FAM13B: variants seen among roughly 807,000 people sequenced by gnomAD.
The protein encoded by FAM13B is protein FAM13B.
Under a neutral mutation model 117.3 loss-of-function variants are expected in FAM13B, and 60 were observed. That is an observed-to-expected ratio of 0.51 (90% confidence interval 0.42 to 0.63). The LOEUF is 0.63. FAM13B is among the 30% of genes least tolerant of loss of function. The probability of loss-of-function intolerance (pLI) is 0.00; values close to 1 mark genes in which losing one functional copy is unlikely to be tolerated. For missense variants in FAM13B, 972 were observed against 1,091.9 expected (o/e 0.89, Z 1.55); for synonymous variants, 332 against 356.1 (o/e 0.93, Z 0.76).
rs148336853 is a variant in FAM13B, at chr5:137,996,473, T to C, written c.849-8158A>G. On this transcript the variant is annotated intron_variant, in intron 7 of 23. Coordinates refer to ENST00000689681, the MANE Select transcript of FAM13B (RefSeq NM_001385994.1). ...TCTTAAAACCCTAAACCCATGGCTC[T>C]TCCTAAATCACTTACACCTTCTTTC... Among the ~76,000 whole-genome samples, 642 of 152,198 alleles carry C rather than the reference T, an allele frequency of 4.2e-3. 2 individuals are homozygous for C. The highest frequency in any genetic ancestry group is 6.8e-3 in the Non-Finnish European group (459 of 67,978).
At chr5:137,946,332 T>C (rs755921329) in intron 18 of FAM13B, 21 bp from the exon 19 acceptor site, 5 of 1,285,996 alleles carry the variant, frequency 3.9e-6, no homozygotes, top group East Asian at 2.8e-5. Flanking sequence ...ACAAAAAAAA[T>C]AACAAAATAC....
rs561038591 is a variant in FAM13B, at chr5:137,970,662, T to G, written c.1180-8193A>C. Among the ~76,000 whole-genome samples the G allele has an allele frequency of 1.6e-3, 245 of 152,296 alleles. 1 individual carries two copies. The highest frequency in any genetic ancestry group is 3.1e-3 in the Non-Finnish European group (209 of 68,034). Reference sequence around the variant, plus strand: ...AATGCTCCAATTAAAGGGCACAGACTGGCAAATTGGACAAAGGGTCAAGAC... The same window carrying G: ...AATGCTCCAATTAAAGGGCACAGACGGGCAAATTGGACAAAGGGTCAAGAC... On this transcript the variant is annotated intron_variant, in intron 10 of 23. Coordinates refer to ENST00000689681, the MANE Select transcript of FAM13B (RefSeq NM_001385994.1).
intron 1 of FAM13B, among the ~76,000 whole-genome samples, chr5:138,047,042 C>T (rs923404150): frequency 1.8e-4 from 27 of 152,030 alleles, no homozygotes; most frequent in African/African-American, 6.0e-4. Flanking sequence ...CCGTGCCCAG[C>T]CACTTCTTTT....
chr5:137,976,588 C>T lies in FAM13B; in HGVS notation c.1179+8669G>A, dbSNP rs368546870. Among the ~76,000 whole-genome samples the T allele has an allele frequency of 2.6e-5, 4 of 152,138 alleles. No homozygotes were observed. In the East Asian group the frequency reaches 5.8e-4, roughly 22 times the overall value. ...CCCCGAATGGAGGGACCAGCTGAAG[C>T]CATGGCAGAAGAACGTGGATTGTGA... On this transcript the variant is annotated intron_variant, in intron 10 of 23. Transcript: ENST00000689681.
At position 137,951,233 on chromosome 5, in the gene FAM13B, A is replaced by AAAAT. The variant is rs1457502693; in HGVS notation, c.1930+1394_1930+1395insATTT. ...ACAAAAAAAAAAAAAAAAAAAAAAA[A>AAAAT]GGAGAGAGAGAGAGGCAAACATTAT... On this transcript the variant is annotated intron_variant, in intron 17 of 23. Transcript: ENST00000689681. 1.2e-3 allele frequency among the ~76,000 whole-genome samples: 182 copies of AAAAT among 147,066 alleles called. 1 individual carries two copies. Among genetic ancestry groups the AAAAT allele is most frequent in the Non-Finnish European group, 2.0e-3 (131 of 66,638 alleles).
chr5:137,942,894 T>A lies in FAM13B; in HGVS notation c.2569A>T (p.Ser857Cys). The A allele has an allele frequency of 6.2e-7, 1 of 1,609,796 alleles. No homozygotes were observed. The highest frequency in any genetic ancestry group is 8.5e-7 in the Non-Finnish European group (1 of 1,179,068). The change falls in exon 22 of 24, where the codon AGT (serine) becomes TGT (cysteine). Residue 857 changes from serine (S) to cysteine (C), a missense_variant. By Grantham distance (112) the Ser-to-Cys change is moderately radical. Coordinates refer to ENST00000689681, the MANE Select transcript of FAM13B (RefSeq NM_001385994.1). ...EKLALDLRLS[S>C]SRAASMPELL... is the part of the protein sequence containing the mutation. Reference sequence around the variant, plus strand: ...ACATACATAGAAGCTGCTCGAGAACTTGACAATCGGAGATCCAGAGCCAGT... The same window carrying A: ...ACATACATAGAAGCTGCTCGAGAACATGACAATCGGAGATCCAGAGCCAGT...
At chr5:138,004,392 T>C (rs937858073) in intron 7 of FAM13B, among the ~76,000 whole-genome samples, 5 of 152,124 alleles carry the variant, frequency 3.3e-5, no homozygotes, top group Admixed American at 2.6e-4. Context: ...TTTGAAACCA[T>C]ACTTAGCCTT....
At chr5:137,997,271 C>T (rs573567179) in intron 7 of FAM13B, among the ~76,000 whole-genome samples, 30 of 152,156 alleles carry the variant, frequency 2.0e-4, no homozygotes, top group Admixed American at 1.8e-3. Context: ...AGTTCAAGGG[C>T]AGCCTGCCCA....
At position 137,943,254 on chromosome 5, in the gene FAM13B, AG is replaced by A. The variant is rs1315889475; in HGVS notation, c.2341-39del. 4 of 1,507,778 alleles carry A rather than the reference AG, an allele frequency of 2.7e-6. No homozygotes were observed. In the East Asian group the frequency reaches 6.8e-5, roughly 26 times the overall value. 93.4% of individuals were successfully genotyped at this position (1,507,778 alleles called of 1,614,324 possible). On this transcript the variant is annotated intron_variant, in intron 20 of 23. Coordinates refer to ENST00000689681, the MANE Select transcript of FAM13B (RefSeq NM_001385994.1). ...ATAATATAAATAGTTTTACATTTTA[AG>A]TATTCAAAGTGTCCAGTGAAGCTTC...
At chr5:138,015,729 A>T (rs1785107519) in intron 4 of FAM13B, among the ~76,000 whole-genome samples, 1 of 152,188 alleles carries the variant, frequency 6.6e-6, no homozygotes, top group Non-Finnish European at 1.5e-5. Context: ...AAACAAAATT[A>T]TCTACAGTAA....
intron 10 of FAM13B, among the ~76,000 whole-genome samples, chr5:137,969,188 C>T (rs6868053): frequency 0.31 from 47,469 of 152,106 alleles, 7,582 homozygotes; most frequent in South Asian, 0.37. Flanking sequence ...ACAGCAGTAA[C>T]CTCTGCAGAC....
At chr5:137,962,364 A>C (rs771049879) in intron 11 of FAM13B, 41 bp downstream of exon 11, 1 of 1,577,416 alleles carries the variant, frequency 6.3e-7, no homozygotes, top group Non-Finnish European at 8.7e-7. Context: ...AAGAGCTCCA[A>C]TTCTCAAAAT....
rs2150074008 is a variant in FAM13B at position 137,938,192 on chromosome 5, T to C, written c.*2033A>G. Reference sequence around the variant, plus strand: ...AGTGCTGCCATGCCACTTTTACATATTCTACTCACAGCCAAACATTAACAT... The same window carrying C: ...AGTGCTGCCATGCCACTTTTACATACTCTACTCACAGCCAAACATTAACAT... On this transcript the variant is annotated 3_prime_UTR_variant, in exon 24 of 24. Transcript: ENST00000689681. 1 of 152,710 alleles carries C rather than the reference T, an allele frequency of 6.5e-6. No individual in the cohort carries two copies. Among genetic ancestry groups the C allele is most frequent in the East Asian group, 1.9e-4 (1 of 5,192 alleles). The allele number at this position is 152,710 out of a possible 1,614,324, so 9.5% of individuals were successfully genotyped here.
At chr5:137,941,233 T>C (rs1006803150) in intron 23 of FAM13B, among the ~76,000 whole-genome samples, 1 of 152,064 alleles carries the variant, frequency 6.6e-6, no homozygotes, top group Non-Finnish European at 1.5e-5. Context: ...TTTAACCATA[T>C]GTGCCAACCT....
At chr5:137,967,533 T>G (rs1253185596) in intron 10 of FAM13B, among the ~76,000 whole-genome samples, 11 of 148,786 alleles carry the variant, frequency 7.4e-5, no homozygotes, top group Non-Finnish European at 1.5e-4. Context: ...AAAAAAAAAA[T>G]GTACAAACCA....
chr5:138,038,208 C>T (rs1265018936), intron 1 of FAM13B, among the ~76,000 whole-genome samples: 1 of 152,016 alleles, frequency 6.6e-6, no homozygotes, highest in Non-Finnish European at 1.5e-5. Flanking sequence ...CTAAGAATTC[C>T]CCCAAACTCT....
At chr5:137,971,333 C>A (rs375617653) in intron 10 of FAM13B, among the ~76,000 whole-genome samples, 111 of 152,110 alleles carry the variant, frequency 7.3e-4, no homozygotes, top group Non-Finnish European at 1.3e-3. Context: ...AACTACATGG[C>A]AACTGAACAA....
intron 7 of FAM13B, among the ~76,000 whole-genome samples, chr5:137,996,169 A>C (rs1268760087): frequency 6.6e-6 from 1 of 151,956 alleles, no homozygotes; most frequent in Non-Finnish European, 1.5e-5. Context: ...AGAGTCTTGC[A>C]CTCTCACCCA....
At chr5:138,015,718 C>G (rs989939621) in intron 4 of FAM13B, among the ~76,000 whole-genome samples, 3 of 152,076 alleles carry the variant, frequency 2.0e-5, no homozygotes, top group African/African-American at 7.2e-5. Context: ...ATAAAAGAAA[C>G]AAACAAAATT....
Sources: gnomAD v4.1 joint callset for allele counts (sites outside exome capture counted in the v4.1 genomes callset) on GRCh38, gnomAD v4.1.1 for gene constraint, MANE v1.5 for transcripts, NCBI Gene and HGNC (gene_info 2026-07-23, HGNC 2026-07-21) for gene names.